CERT1: variants seen among roughly 807,000 people sequenced by gnomAD.
The protein encoded by CERT1 is ceramide transporter 1, also known as ceramide transfer protein.
Under a neutral mutation model 87.9 loss-of-function variants are expected in CERT1, and 31 were observed. The ratio of observed to expected loss-of-function variants is 0.35; its 90% CI spans 0.27 to 0.48. The LOEUF (loss-of-function observed/expected upper bound fraction) is 0.48, where lower values mean the gene tolerates loss of function less well. Among genes scored for constraint, CERT1 ranks in the 20% least tolerant of loss-of-function variants. The pLI is 0.99. For missense variants in CERT1, 487 were observed against 758.0 expected (o/e 0.64, Z 4.20); for synonymous variants, 289 against 250.9 (o/e 1.15, Z -1.44).
intron 3 of CERT1, among the ~76,000 whole-genome samples, chr5:75,442,124 T>C (rs1225376000): frequency 3.3e-5 from 5 of 152,188 alleles, no homozygotes; most frequent in Non-Finnish European, 4.4e-5. Flanking sequence ...TACTATTAAT[T>C]TGACTCTGTC....
chr5:75,386,762 TATTA>T (rs1206654814), intron 12 of CERT1, among the ~76,000 whole-genome samples: 2 of 152,162 alleles, frequency 1.3e-5, no homozygotes, highest in African/African-American at 4.8e-5. Context: ...CCTACCTATT[TATTA>T]CTCATATTAT....
At chr5:75,372,830 T>G (rs551132174), downstream of CERT1, 1 of 152,344 alleles carries the variant, frequency 6.6e-6, no homozygotes, top group Non-Finnish European at 1.5e-5. Flanking sequence ...GATTTTCCGC[T>G]TTACAAAATG....
chr5:75,464,430 G>C (rs1211602446), intron 2 of CERT1, among the ~76,000 whole-genome samples: 4 of 152,132 alleles, frequency 2.6e-5, no homozygotes, highest in Admixed American at 6.6e-5. Flanking sequence ...CAGAGAATAG[G>C]GTACAGGGTG....
At chr5:75,504,933 T>C (rs1291229159) in intron 2 of CERT1, among the ~76,000 whole-genome samples, 4 of 152,182 alleles carry the variant, frequency 2.6e-5, no homozygotes, top group Non-Finnish European at 5.9e-5. Context: ...TTAAACATTA[T>C]TCATGTCTAA....
At chr5:75,386,127 T>A (rs945540654) in intron 12 of CERT1, 93 bp from the exon 13 acceptor site, 1 of 1,001,316 alleles carries the variant, frequency 1.0e-6, no homozygotes, top group African/African-American at 1.7e-5. Flanking sequence ...GCTCTTTAGA[T>A]TTTTATGAAA....
At chr5:75,458,309 C>A (rs1212254017) in intron 3 of CERT1, among the ~76,000 whole-genome samples, 1 of 151,916 alleles carries the variant, frequency 6.6e-6, no homozygotes, top group Non-Finnish European at 1.5e-5. Context: ...CATTAGATAG[C>A]CTCACATTTA....
At chr5:75,460,991 G>T (rs1223229847) in intron 2 of CERT1, among the ~76,000 whole-genome samples, 2 of 152,202 alleles carry the variant, frequency 1.3e-5, no homozygotes, top group African/African-American at 2.4e-5. Context: ...TATAAATACA[G>T]AAAGACATAA....
intron 2 of CERT1, among the ~76,000 whole-genome samples, chr5:75,503,640 T>C (rs1365641216): frequency 6.6e-6 from 1 of 151,972 alleles, no homozygotes; most frequent in Non-Finnish European, 1.5e-5. Context: ...ACACAGATTT[T>C]GTTGCCTAAT....
intron 2 of CERT1, among the ~76,000 whole-genome samples, chr5:75,466,102 T>C (rs1765443201): frequency 6.6e-6 from 1 of 152,162 alleles, no homozygotes; most frequent in Non-Finnish European, 1.5e-5. Flanking sequence ...CACCCTTCTA[T>C]ATACTGTTTT....
chr5:75,396,091 T>A (rs1156752679), intron 11 of CERT1, among the ~76,000 whole-genome samples: 1 of 152,140 alleles, frequency 6.6e-6, no homozygotes, highest in Non-Finnish European at 1.5e-5. Flanking sequence ...TTTCAGCCAA[T>A]TCAAGGCTAT....
At chr5:75,490,328 C>G (rs1167365833) in intron 2 of CERT1, among the ~76,000 whole-genome samples, 2 of 152,084 alleles carry the variant, frequency 1.3e-5, no homozygotes, top group Admixed American at 6.5e-5. Context: ...ACATGTATCC[C>G]AGAGCTTAAA....
At chr5:75,434,848 T>A (rs1764023287) in intron 3 of CERT1, among the ~76,000 whole-genome samples, 1 of 152,126 alleles carries the variant, frequency 6.6e-6, no homozygotes, top group Admixed American at 6.5e-5. Flanking sequence ...ACCTTTGTCA[T>A]TTCTAAGTGT....
At chr5:75,473,764 AAT>A (rs1164531290) in intron 2 of CERT1, among the ~76,000 whole-genome samples, 1 of 152,214 alleles carries the variant, frequency 6.6e-6, no homozygotes, top group Non-Finnish European at 1.5e-5. Flanking sequence ...TATGTGAGGT[AAT>A]ATATTTGTTA....
At chr5:75,374,792 C>T (rs1173692006), downstream of CERT1, 2 of 542,498 alleles carry the variant, frequency 3.7e-6, no homozygotes, top group Non-Finnish European at 7.2e-6. Context: ...CCCATGACCC[C>T]CACCAAAGCC....
At chr5:75,480,309 C>T (rs893357616) in intron 2 of CERT1, among the ~76,000 whole-genome samples, 109 of 152,332 alleles carry the variant, frequency 7.2e-4, no homozygotes, top group African/African-American at 2.5e-3. Context: ...CTTAAAAATA[C>T]ACCATCGGTC....
At chr5:75,504,983 T>G (rs1454970912) in intron 2 of CERT1, among the ~76,000 whole-genome samples, 1 of 152,126 alleles carries the variant, frequency 6.6e-6, no homozygotes, top group Non-Finnish European at 1.5e-5. Flanking sequence ...TTCTATATAC[T>G]AAGTTAAATG....
intron 11 of CERT1, among the ~76,000 whole-genome samples, chr5:75,393,625 A>AAAGT (rs1762121753): frequency 6.8e-6 from 1 of 146,930 alleles, no homozygotes; most frequent in Non-Finnish European, 1.5e-5. Context: ...AAAAAAAAAG[A>AAAGT]AAGTCTAGAA....
chr5:75,473,867 A>G (rs748167091), intron 2 of CERT1, among the ~76,000 whole-genome samples: 2 of 152,190 alleles, frequency 1.3e-5, no homozygotes, highest in African/African-American at 2.4e-5. Flanking sequence ...TTTAAAATTA[A>G]TTTTTTTAAA....
At chr5:75,395,380 C>T (rs1396219501) in intron 11 of CERT1, among the ~76,000 whole-genome samples, 1 of 151,680 alleles carries the variant, frequency 6.6e-6, no homozygotes, top group African/African-American at 2.4e-5. Context: ...CCTGTCTCTA[C>T]AAAAAATAAA....
Sources: allele counts gnomAD v4.1 joint callset (sites outside exome capture counted in the v4.1 genomes callset), GRCh38; gene constraint gnomAD v4.1.1; transcripts MANE v1.5; gene names NCBI Gene and HGNC (gene_info 2026-07-23, HGNC 2026-07-21).